The following FNIP2 variants were observed in gnomAD, a reference collection of about 807,000 sequenced individuals.
The protein encoded by FNIP2 is folliculin-interacting protein 2.
FNIP2 carries 32 observed loss-of-function variants against 108.7 expected under a neutral mutation model. The observed-to-expected ratio is 0.29, with a 90% CI of 0.22 to 0.40. FNIP2 has a LOEUF of 0.40. FNIP2 is among the 10% of genes least tolerant of loss of function. FNIP2 has a pLI of 1.00. For missense variants in FNIP2, 1,202 were observed against 1,381.6 expected, an observed-to-expected ratio of 0.87 and a Z score of 2.06; for synonymous variants, 480 against 496.7, an observed-to-expected ratio of 0.97 and a Z score of 0.45.
chr4:158,833,361 T>C (rs1778585247), intron 5 of FNIP2, among the ~76,000 whole-genome samples, 167 bp from the exon 6 acceptor site: 1 of 152,240 alleles, frequency 6.6e-6, no homozygotes, highest in South Asian at 2.1e-4. Context: ...TCACCTGAAG[T>C]TGCAAGTTTA....
intron 8 of FNIP2, among the ~76,000 whole-genome samples, chr4:158,853,604 C>T (rs759610173): frequency 6.6e-6 from 1 of 152,114 alleles, no homozygotes; most frequent in Non-Finnish European, 1.5e-5. Context: ...TCAGTGCCCA[C>T]CTATGAGTGA....
intron 6 of FNIP2, chr4:158,834,558 A>G (rs934816256): frequency 1.3e-5 from 2 of 152,120 alleles, no homozygotes; most frequent in South Asian, 4.1e-4. Flanking sequence ...ACACGCTCCT[A>G]CCTACTTAGA....
intron 12 of FNIP2, among the ~76,000 whole-genome samples, chr4:158,864,214 A>G (rs898128332): frequency 4.6e-5 from 7 of 152,130 alleles, no homozygotes; most frequent in Non-Finnish European, 8.8e-5. Flanking sequence ...TTGTAAAGGC[A>G]GAGTTTTGCC....
chr4:158,811,897 G>A (rs1777294675), intron 1 of FNIP2, among the ~76,000 whole-genome samples: 1 of 152,240 alleles, frequency 6.6e-6, no homozygotes, highest in African/African-American at 2.4e-5. Flanking sequence ...AAGCCACGCG[G>A]GTGTTTGAGG....
At chr4:158,881,856 C>T (rs1781660225) in intron 14 of FNIP2, among the ~76,000 whole-genome samples, 1 of 152,252 alleles carries the variant, frequency 6.6e-6, no homozygotes, top group South Asian at 2.1e-4. Context: ...AGATTGCAGC[C>T]TCTGCCTGGC....
At chr4:158,840,327 G>C (rs1019457288) in intron 7 of FNIP2, among the ~76,000 whole-genome samples, 1 of 152,158 alleles carries the variant, frequency 6.6e-6, no homozygotes, top group Non-Finnish European at 1.5e-5. Context: ...TGCATAGTCA[G>C]CTGTAATTTA....
chr4:158,861,370 C>T lies in FNIP2; in HGVS notation c.1177C>T (p.Pro393Ser). Residue 393 changes from proline (P) to serine (S), a missense_variant, in exon 11 of 17, where the codon CCA becomes TCA. This residue lies in a region of FNIP2 where 878 missense variants were observed against 990.3 expected (regional missense o/e 0.89). Coordinates refer to ENST00000264433, the MANE Select transcript of FNIP2 (RefSeq NM_020840.3). The part of the protein sequence containing the change: ...RGTIWNLYSV[P>S]RIAEPVWLTM... ...AACTATCTGGAACTTATATTCTGTT[C>T]CAAGGATAGCTGAACCTGTATGGCT... The T allele has an allele frequency of 1.2e-6, 2 of 1,613,940 alleles. No individual in the cohort carries two copies. The highest frequency in any genetic ancestry group is 1.7e-6 in the Non-Finnish European group (2 of 1,179,862).
chr4:158,829,120 C>T lies in FNIP2; in HGVS notation c.276C>T (p.Cys92=), dbSNP rs778414029. 12 of 1,612,100 alleles carry T rather than the reference C, an allele frequency of 7.4e-6. No individual in the cohort carries two copies. The highest frequency in any genetic ancestry group is 1.3e-5 in the African/African-American group (1 of 74,886). Residue 92 remains cysteine, a synonymous_variant, in exon 3 of 17, where the codon TGC becomes TGT. Transcript: ENST00000264433. ...CTATTAAAATATCAGCCAAGTGCTG[C>T]CAGGGAAGCAGCAGTGTCAGCAGCA... The part of the protein sequence containing the change: ...DVPIKISAKC[C]QGSSSVSSSS...
chr4:158,881,951 A>C, intron 14 of FNIP2, among the ~76,000 whole-genome samples: 1 of 135,174 alleles, frequency 7.4e-6, no homozygotes, highest in African/African-American at 2.9e-5. Context: ...CTGGCTGCCC[A>C]GTCTGGGAAG....
intron 12 of FNIP2, among the ~76,000 whole-genome samples, chr4:158,864,233 C>T (rs1481534039): frequency 6.6e-6 from 1 of 152,106 alleles, no homozygotes; most frequent in Non-Finnish European, 1.5e-5. Context: ...CCATGTTTTG[C>T]AGGCTGGTCG....
At chr4:158,800,152 T>C (rs536085481) in intron 1 of FNIP2, among the ~76,000 whole-genome samples, 7 of 152,186 alleles carry the variant, frequency 4.6e-5, no homozygotes, top group Non-Finnish European at 7.4e-5. Flanking sequence ...TTCTTTTCCT[T>C]ATCTCTGTGT....
intron 1 of FNIP2, among the ~76,000 whole-genome samples, chr4:158,798,371 A>AT (rs1219805461): frequency 1.3e-5 from 2 of 151,968 alleles, no homozygotes; most frequent in Non-Finnish European, 2.9e-5. Context: ...GCCCTTCTAG[A>AT]TTTTTTCTTA....
chr4:158,819,521 A>T (rs900290543), intron 1 of FNIP2, among the ~76,000 whole-genome samples: 28 of 152,370 alleles, frequency 1.8e-4, no homozygotes, highest in African/African-American at 6.5e-4. Flanking sequence ...ATGCAGTTCC[A>T]CTGAAATTGC....
chr4:158,849,696 GTTCACTGATACTTGAAA>G (rs972568450), intron 7 of FNIP2, among the ~76,000 whole-genome samples: 3 of 151,908 alleles, frequency 2.0e-5, no homozygotes, highest in African/African-American at 7.3e-5. Context: ...AAAATTACCT[GTTCACTGATACTTGAAA>G]TGTGGATTTG....
chr4:158,789,691 G>A (rs970524985), intron 1 of FNIP2, among the ~76,000 whole-genome samples: 2 of 152,308 alleles, frequency 1.3e-5, no homozygotes, highest in East Asian at 1.9e-4. Flanking sequence ...CTATTCTTCT[G>A]TTATAACGTG....
At chr4:158,776,822 C>T (rs1322164517) in intron 1 of FNIP2, among the ~76,000 whole-genome samples, 1 of 152,174 alleles carries the variant, frequency 6.6e-6, no homozygotes. Flanking sequence ...GAGTTTTGAA[C>T]ACTGATGATC....
At chr4:158,886,036 T>G (rs143828620) in intron 14 of FNIP2, among the ~76,000 whole-genome samples, 2 of 152,286 alleles carry the variant, frequency 1.3e-5, no homozygotes, top group East Asian at 3.9e-4. Flanking sequence ...CATTTAACAC[T>G]CCCAGGAAAT....
intron 1 of FNIP2, among the ~76,000 whole-genome samples, chr4:158,770,391 A>T (rs564699792): frequency 6.6e-6 from 1 of 152,238 alleles, no homozygotes; most frequent in African/African-American, 2.4e-5. Flanking sequence ...TTGCAAAAAC[A>T]GTTCACTGTT....
At chr4:158,801,946 C>G (rs571220869) in intron 1 of FNIP2, among the ~76,000 whole-genome samples, 2 of 152,272 alleles carry the variant, frequency 1.3e-5, no homozygotes, top group African/African-American at 4.8e-5. Flanking sequence ...GATCTGTCTC[C>G]AAAGCCCATT....
Sources: gnomAD v4.1 joint callset for allele counts (sites outside exome capture counted in the v4.1 genomes callset) on GRCh38, gnomAD v4.1.1 for gene constraint, gnomAD v4.1.1 regional missense constraint, MANE v1.5 for transcripts, NCBI Gene and HGNC (gene_info 2026-07-23, HGNC 2026-07-21) for gene names.